CCSER1: variants seen among roughly 807,000 people sequenced by gnomAD.
The protein encoded by CCSER1 is coiled-coil serine rich protein 1, also known as serine-rich coiled-coil domain-containing protein 1.
A neutral mutation model predicts 82.0 loss-of-function variants in CCSER1; 41 were observed. That is an observed-to-expected ratio of 0.50 (90% CI 0.39 to 0.65). The LOEUF is 0.65. Among genes scored for constraint, CCSER1 ranks in the 30% least tolerant of loss-of-function variants. CCSER1 has a pLI of 0.00. For missense variants in CCSER1, 1,119 were observed against 1,064.2 expected, an observed-to-expected ratio of 1.05 and a Z score of -0.72; for synonymous variants, 414 against 383.9, an observed-to-expected ratio of 1.08 and a Z score of -0.92.
intron 3 of CCSER1, among the ~76,000 whole-genome samples, chr4:90,350,459 A>G (rs1479780916): frequency 6.6e-6 from 1 of 152,156 alleles, no homozygotes; most frequent in Admixed American, 6.5e-5. Flanking sequence ...AGAAATAAAA[A>G]TTGGAAAGGA....
intron 10 of CCSER1, among the ~76,000 whole-genome samples, chr4:91,347,177 G>T (rs745666925): frequency 6.6e-6 from 1 of 152,100 alleles, no homozygotes; most frequent in Non-Finnish European, 1.5e-5. Context: ...AAGGTATAAC[G>T]TCTGGGTGTA....
chr4:90,332,437 T>C (rs1041958800), intron 3 of CCSER1, among the ~76,000 whole-genome samples: 2 of 152,092 alleles, frequency 1.3e-5, no homozygotes, highest in African/African-American at 4.8e-5. Flanking sequence ...GGTTTCACTA[T>C]GTTGGTCAGG....
At chr4:90,368,789 T>TA (rs1046071575) in intron 3 of CCSER1, among the ~76,000 whole-genome samples, 2 of 151,526 alleles carry the variant, frequency 1.3e-5, no homozygotes, top group Admixed American at 1.3e-4. Flanking sequence ...CACACACTAC[T>TA]AAAAAAATTT....
chr4:90,795,064 G>T (rs749279312), intron 7 of CCSER1, among the ~76,000 whole-genome samples: 70 of 152,080 alleles, frequency 4.6e-4, no homozygotes, highest in Non-Finnish European at 9.1e-4. Flanking sequence ...CAGAGGGTGG[G>T]CTGATCACAA....
At chr4:90,521,530 G>A (rs921170825) in intron 5 of CCSER1, among the ~76,000 whole-genome samples, 2 of 152,076 alleles carry the variant, frequency 1.3e-5, no homozygotes, top group African/African-American at 4.8e-5. Flanking sequence ...AAATATAACT[G>A]TCCACTGGAG....
At chr4:91,519,953 T>G (rs1760364690) in intron 10 of CCSER1, among the ~76,000 whole-genome samples, 1 of 152,238 alleles carries the variant, frequency 6.6e-6, no homozygotes, top group South Asian at 2.1e-4. Context: ...TTTGTTTTTT[T>G]AGAATCATTA....
At chr4:90,239,215 T>G (rs751757489) in intron 1 of CCSER1, among the ~76,000 whole-genome samples, 2 of 152,174 alleles carry the variant, frequency 1.3e-5, no homozygotes, top group Non-Finnish European at 2.9e-5. Context: ...AAAGCACACT[T>G]GGACTTTAAT....
At chr4:90,513,199 A>T (rs1264020762) in intron 5 of CCSER1, among the ~76,000 whole-genome samples, 2 of 152,224 alleles carry the variant, frequency 1.3e-5, no homozygotes, top group Non-Finnish European at 2.9e-5. Flanking sequence ...GTAGGTACAC[A>T]CATGGAGTAT....
intron 3 of CCSER1, among the ~76,000 whole-genome samples, chr4:90,372,526 G>C (rs1453459950): frequency 1.3e-5 from 2 of 152,088 alleles, no homozygotes; most frequent in African/African-American, 4.8e-5. Flanking sequence ...GAGGCAGGCA[G>C]ATCACTTGAG....
intron 9 of CCSER1, among the ~76,000 whole-genome samples, chr4:90,995,449 C>A (rs1030458611): frequency 3.3e-5 from 5 of 151,918 alleles, no homozygotes; most frequent in Non-Finnish European, 7.4e-5. Context: ...GAATTTAGCC[C>A]ATAGTAATTA....
intron 10 of CCSER1, among the ~76,000 whole-genome samples, chr4:91,228,660 G>A (rs1290999566): frequency 6.6e-6 from 1 of 152,032 alleles, no homozygotes; most frequent in Non-Finnish European, 1.5e-5. Context: ...TTAAAGCCTG[G>A]ACTATAAACA....
chr4:90,988,359 A>G (rs1393421580), intron 9 of CCSER1, among the ~76,000 whole-genome samples: 5 of 143,772 alleles, frequency 3.5e-5, no homozygotes, highest in East Asian at 2.1e-4. Context: ...AAAAAAAAAA[A>G]AAAAGAAAGA....
At position 91,492,743 on chromosome 4, in the gene CCSER1, T is replaced by C. The variant is rs187651048; in HGVS notation, c.2218-105829T>C. Among the ~76,000 whole-genome samples the C allele has an allele frequency of 5.9e-5, 9 of 152,216 alleles. No homozygotes were observed. The East Asian group carries it at 1.5e-3, about 26-fold the overall frequency. On this transcript the variant is annotated intron_variant, in intron 10 of 10. Transcript: ENST00000509176. ...CTAAGGCTTTTCATGAATAATTTTC[T>C]GACTGAGGGAGGAGAGGACAGTCTT...
At chr4:91,154,744 G>T (rs1258434576) in intron 10 of CCSER1, among the ~76,000 whole-genome samples, 1 of 151,980 alleles carries the variant, frequency 6.6e-6, no homozygotes, top group Admixed American at 6.6e-5. Context: ...ACTGGATAAT[G>T]ATAAGAGCTT....
intron 1 of CCSER1, among the ~76,000 whole-genome samples, chr4:90,133,522 T>C (rs1197601900): frequency 6.6e-6 from 1 of 152,196 alleles, no homozygotes; most frequent in Admixed American, 6.5e-5. Flanking sequence ...AATAATAATA[T>C]CACACATGAA....
chr4:90,810,010 GGTT>G (rs1445251045), intron 7 of CCSER1, among the ~76,000 whole-genome samples: 1 of 152,130 alleles, frequency 6.6e-6, no homozygotes, highest in African/African-American at 2.4e-5. Flanking sequence ...AGATGTTTTT[GGTT>G]GTTGTTGTTC....
chr4:91,153,229 A>G (rs1259120447), intron 10 of CCSER1, among the ~76,000 whole-genome samples: 1 of 151,844 alleles, frequency 6.6e-6, no homozygotes, highest in African/African-American at 2.4e-5. Flanking sequence ...TTTTTTCTCT[A>G]AACCTCTCTT....
intron 8 of CCSER1, among the ~76,000 whole-genome samples, chr4:90,848,149 CTATG>C (rs757937337): frequency 3.3e-5 from 5 of 152,002 alleles, no homozygotes; most frequent in Admixed American, 6.6e-5. Flanking sequence ...AATGTAAACA[CTATG>C]TAAGGGGGTA....
At chr4:90,961,145 T>C (rs1734015073) in intron 9 of CCSER1, among the ~76,000 whole-genome samples, 2 of 152,294 alleles carry the variant, frequency 1.3e-5, no homozygotes, top group South Asian at 4.2e-4. Context: ...TTGTGTTATA[T>C]TCCCAGACCT....
Sources: allele counts gnomAD v4.1 joint callset (sites outside exome capture counted in the v4.1 genomes callset), GRCh38; gene constraint gnomAD v4.1.1; transcripts MANE v1.5; gene names NCBI Gene and HGNC (gene_info 2026-07-23, HGNC 2026-07-21).